The following TUBB4B variants were observed in gnomAD, a reference collection of about 807,000 sequenced individuals.
TUBB4B encodes the protein tubulin beta-4B chain.
TUBB4B carries 7 observed loss-of-function variants against 34.3 expected under a neutral mutation model. That is an observed-to-expected ratio of 0.20 (90% confidence interval 0.12 to 0.38). The LOEUF (loss-of-function observed/expected upper bound fraction) is 0.38. TUBB4B is among the 10% of genes least tolerant of loss of function. TUBB4B has a pLI of 1.00. For missense variants in TUBB4B, 178 were observed against 610.9 expected (o/e 0.29, Z 7.47); for synonymous variants, 390 against 250.2 (o/e 1.56, Z -5.27).
chr9:137,241,628 C>A (rs1366884782), intron 1 of TUBB4B, 93 bp from the exon 2 acceptor site: 15 of 859,626 alleles, frequency 1.7e-5, no homozygotes, highest in Non-Finnish European at 2.2e-5. Flanking sequence ...GAGGGCCGGG[C>A]TGCCGCGCCC....
chr9:137,243,607 C>T lies in TUBB4B; in HGVS notation c.*51C>T, dbSNP rs766670008. 1.2e-6 allele frequency: 2 copies of T among 1,613,400 alleles called. No individual in the cohort carries two copies. Among genetic ancestry groups the T allele is most frequent in the Non-Finnish European group, 1.7e-6 (2 of 1,179,516 alleles). On this transcript the variant is annotated 3_prime_UTR_variant, in exon 4 of 4. Coordinates refer to ENST00000340384, the MANE Select transcript of TUBB4B (RefSeq NM_006088.6). ...GGAAGCAGTGTGAACTCTTTATTCA[C>T]TCCCAGCCTGTCCTGTGGCCTGTCC...
At position 137,241,324 on chromosome 9, in the gene TUBB4B, T is replaced by C. The variant is rs368345353; in HGVS notation, c.-37T>C. 2.7e-4 allele frequency: 421 copies of C among 1,588,018 alleles called. 3 individuals carry two copies. In the African/African-American group the frequency reaches 4.7e-3, roughly 18 times the overall value. ...GCCCGCTCTTCTGCTGCTGTTTGTC[T>C]ACTTCCTCCTGCTTCCCCGCCGCCG... On this transcript the variant is annotated 5_prime_UTR_variant, in exon 1 of 4. Transcript: ENST00000340384.
In TUBB4B at chr9:137,241,804, C is replaced by T. The variant is rs758043001; in HGVS notation, c.141C>T (p.Ile47=). 9.9e-6 allele frequency: 16 copies of T among 1,612,366 alleles called. No individual in the cohort carries two copies. The highest frequency in any genetic ancestry group is 5.0e-5 in the Admixed American group (3 of 60,004). Residue 47 remains isoleucine, a synonymous_variant, in exon 2 of 4, where the codon ATC becomes ATT. Coordinates refer to ENST00000340384, the MANE Select transcript of TUBB4B (RefSeq NM_006088.6). ...ACAGCGACCTGCAGCTGGAACGCATCAACGTGTACTACAATGAGGCCACCG... is the reference window on the plus strand; with the variant it reads ...ACAGCGACCTGCAGCTGGAACGCATTAACGTGTACTACAATGAGGCCACCG... The part of the protein sequence containing the change: ...HGDSDLQLER[I]NVYYNEATGG...
intron 1 of TUBB4B, 82 bp from the exon 2 acceptor site, chr9:137,241,639 G>A (rs1836746059): frequency 1.0e-6 from 1 of 967,312 alleles, no homozygotes; most frequent in Non-Finnish European, 1.3e-6. Flanking sequence ...TGCCGCGCCC[G>A]TCCGGGGCGG....
At chr9:137,242,384 C>A in intron 3 of TUBB4B, 112 bp from the exon 4 acceptor site, 1 of 1,320,462 alleles carries the variant, frequency 7.6e-7, no homozygotes, top group Non-Finnish European at 1.0e-6. Flanking sequence ...GCTCTACCTC[C>A]AGGGTGAATT....
At position 137,241,321 on chromosome 9, in the gene TUBB4B, G is replaced by C. The variant is rs1052379544; in HGVS notation, c.-40G>C. 6.3e-7 allele frequency: 1 copy of C among 1,585,976 alleles called. No homozygotes were observed. Among genetic ancestry groups the C allele is most frequent in the South Asian group, 1.1e-5 (1 of 89,726 alleles). Reference sequence around the variant, plus strand: ...CGCGCCCGCTCTTCTGCTGCTGTTTGTCTACTTCCTCCTGCTTCCCCGCCG... The same window carrying C: ...CGCGCCCGCTCTTCTGCTGCTGTTTCTCTACTTCCTCCTGCTTCCCCGCCG... On this transcript the variant is annotated 5_prime_UTR_variant, in exon 1 of 4. Coordinates refer to ENST00000340384, the MANE Select transcript of TUBB4B (RefSeq NM_006088.6).
Position 137,241,560 on chromosome 9 carries a change from G to C in TUBB4B, c.57+143G>C, listed in dbSNP as rs527358039. On this transcript the variant is annotated intron_variant, in intron 1 of 3. Transcript: ENST00000340384. The stretch of plus-strand genomic sequence containing the variant: ...CTCCGCGGGGAATTGGCCGAGCCGG[G>C]CGACCGAAGCCCCCAGGAACCCGGC... 5.0e-3 allele frequency: 4,317 copies of C among 864,894 alleles called. 61 individuals carry two copies. The highest frequency in any genetic ancestry group is 0.04 in the African/African-American group (2,193 of 54,876). 53.6% of individuals were successfully genotyped at this position (864,894 alleles called of 1,614,324 possible).
In TUBB4B at chr9:137,243,569, CTG is replaced by C; in HGVS notation, c.*14_*15del. 2 of 1,613,684 alleles carry C rather than the reference CTG, an allele frequency of 1.2e-6. No individual in the cohort carries two copies. The highest frequency in any genetic ancestry group is 2.7e-5 in the African/African-American group (2 of 75,060). On this transcript the variant is annotated 3_prime_UTR_variant, in exon 4 of 4. Coordinates refer to ENST00000340384, the MANE Select transcript of TUBB4B (RefSeq NM_006088.6). Reference sequence around the variant, plus strand: ...GGAGGTGGCCTAGAGCCTTCAGTCACTGGGGAAAGCAGGGAAGCAGTGTGAAC... The same window carrying C: ...GGAGGTGGCCTAGAGCCTTCAGTCACGGGAAAGCAGGGAAGCAGTGTGAAC...
intron 3 of TUBB4B, 93 bp downstream of exon 3, chr9:137,242,114 ACGCCC>A: frequency 7.9e-7 from 1 of 1,262,776 alleles, no homozygotes; most frequent in Non-Finnish European, 1.1e-6. Context: ...GGGCCCCTGG[ACGCCC>A]TCCTCTTCTC....
intron 1 of TUBB4B, 139 bp downstream of exon 1, chr9:137,241,556 C>T (rs1836742340): frequency 1.1e-6 from 1 of 885,424 alleles, no homozygotes; most frequent in East Asian, 8.2e-5. Flanking sequence ...ATTGGCCGAG[C>T]CGGGCGACCG....
In TUBB4B at chr9:137,241,433, G is replaced by C; in HGVS notation, c.57+16G>C. The C allele has an allele frequency of 2.5e-6, 4 of 1,577,028 alleles. No individual in the cohort carries two copies. Among genetic ancestry groups the C allele is most frequent in the Non-Finnish European group, 3.4e-6 (4 of 1,164,736 alleles). ...CGGCGCCAAGGTAAGTTGCCGGGGC[G>C]CTGGGGCCAGGCGGGCCTGCCGGGC... On this transcript the variant is annotated intron_variant, in intron 1 of 3. Coordinates refer to ENST00000340384, the MANE Select transcript of TUBB4B (RefSeq NM_006088.6).
Position 137,243,526 on chromosome 9 carries a change from C to G in TUBB4B, c.1308C>G (p.Phe436Leu). ...QDATAEEEGE[F>L]EEEAEEEVA ...CCACAGCCGAGGAGGAGGGCGAGTT[C>G]GAGGAGGAGGCTGAGGAGGAGGTGG... The change falls in exon 4 of 4, where the codon TTC becomes TTG. Residue 436 changes from phenylalanine (F) to leucine (L), a missense_variant. Coordinates refer to ENST00000340384, the MANE Select transcript of TUBB4B (RefSeq NM_006088.6). The G allele has an allele frequency of 6.2e-7, 1 of 1,613,840 alleles. No individual in the cohort carries two copies. The highest frequency in any genetic ancestry group is 1.1e-5 in the South Asian group (1 of 91,086).
intron 3 of TUBB4B, 190 bp from the exon 4 acceptor site, chr9:137,242,306 C>T (rs1328911506): frequency 2.7e-6 from 2 of 744,372 alleles, no homozygotes; most frequent in South Asian, 1.9e-5. Context: ...GTTAAGCTGT[C>T]AGGTTTGGCC....
At position 137,243,259 on chromosome 9, in the gene TUBB4B, C is replaced by T. The variant is rs370030378; in HGVS notation, c.1041C>T (p.Asn347=). ...GCTATTTTGTTGAGTGGATCCCCAA[C>T]AATGTGAAAACGGCTGTCTGTGACA... is the stretch of plus-strand genomic sequence containing the variant. ...NSSYFVEWIP[N]NVKTAVCDIP... Residue 347 remains asparagine, a synonymous_variant, in exon 4 of 4, where the codon AAC becomes AAT. Transcript: ENST00000340384. 55 of 1,613,536 alleles carry T rather than the reference C, an allele frequency of 3.4e-5. No individual in the cohort carries two copies. The highest frequency in any genetic ancestry group is 4.4e-5 in the Non-Finnish European group (52 of 1,180,024).
rs1052379544 is a variant in TUBB4B at position 137,241,321 on chromosome 9, G to T, written c.-40G>T. On this transcript the variant is annotated 5_prime_UTR_variant, in exon 1 of 4. Transcript: ENST00000340384. Reference sequence around the variant, plus strand: ...CGCGCCCGCTCTTCTGCTGCTGTTTGTCTACTTCCTCCTGCTTCCCCGCCG... The same window carrying T: ...CGCGCCCGCTCTTCTGCTGCTGTTTTTCTACTTCCTCCTGCTTCCCCGCCG... 3 of 1,585,974 alleles carry T rather than the reference G, an allele frequency of 1.9e-6. No individual in the cohort carries two copies. The highest frequency in any genetic ancestry group is 1.1e-5 in the South Asian group (1 of 89,726).
intron 3 of TUBB4B, 181 bp downstream of exon 3, chr9:137,242,202 C>T: frequency 1.4e-6 from 1 of 689,804 alleles, no homozygotes; most frequent in Admixed American, 2.9e-5. Flanking sequence ...CGAGGAGCCG[C>T]CACACACGTA....
At position 137,241,719 on chromosome 9, in the gene TUBB4B, A is replaced by T; in HGVS notation, c.58-2A>T. 6.2e-7 allele frequency: 1 copy of T among 1,606,324 alleles called. No homozygotes were observed. Among genetic ancestry groups the T allele is most frequent in the Non-Finnish European group, 8.5e-7 (1 of 1,176,278 alleles). Reference sequence around the variant, plus strand: ...GCCCGGGCCCGCCCGCGTCCCTTGTAGTTTTGGGAGGTGATCAGCGATGAG... The same window carrying T: ...GCCCGGGCCCGCCCGCGTCCCTTGTTGTTTTGGGAGGTGATCAGCGATGAG... On this transcript the variant is annotated splice_acceptor_variant, in intron 1 of 3. Transcript: ENST00000340384. LOFTEE classifies it high-confidence loss of function.
intron 3 of TUBB4B, chr9:137,242,283 C>T (rs906257923): frequency 7.3e-6 from 5 of 687,794 alleles, no homozygotes; most frequent in African/African-American, 3.6e-5. Context: ...GTGGCCCCCC[C>T]GGGGAGGGGT....
At chr9:137,241,563 A>C (rs1408955968) in intron 1 of TUBB4B, 146 bp downstream of exon 1, 1 of 825,086 alleles carries the variant, frequency 1.2e-6, no homozygotes, top group East Asian at 9.9e-5. Context: ...GAGCCGGGCG[A>C]CCGAAGCCCC....
Sources: allele counts gnomAD v4.1 joint callset, GRCh38; gene constraint gnomAD v4.1.1; transcripts MANE v1.5; gene names NCBI Gene and HGNC (gene_info 2026-07-23, HGNC 2026-07-21).